SCFD2: variants seen among roughly 807,000 people sequenced by gnomAD.
SCFD2 encodes sec1 family domain containing 2.
SCFD2 carries 54 observed loss-of-function variants against 58.9 expected under a neutral mutation model. The ratio of observed to expected loss-of-function variants is 0.92; its 90% confidence interval spans 0.74 to 1.15. The LOEUF (loss-of-function observed/expected upper bound fraction) is 1.15. Ranked by LOEUF, SCFD2 falls within the 50% of genes most tolerant of loss-of-function variation. SCFD2 has a pLI of 0.00. For synonymous variants in SCFD2, 321 were observed against 335.9 expected, an observed-to-expected ratio of 0.96 and a Z score of 0.49; for missense variants, 805 against 836.6, an observed-to-expected ratio of 0.96 and a Z score of 0.47.
intron 5 of SCFD2, among the ~76,000 whole-genome samples, chr4:53,130,846 A>G (rs1725767146): frequency 1.3e-5 from 2 of 152,240 alleles, no homozygotes; most frequent in Non-Finnish European, 2.9e-5. Context: ...AAGAAAATGC[A>G]TAGAACACTA....
intron 4 of SCFD2, among the ~76,000 whole-genome samples, chr4:53,249,511 C>T (rs1577895301): frequency 1.3e-5 from 2 of 152,204 alleles, no homozygotes; most frequent in South Asian, 2.1e-4. Flanking sequence ...TTGTCAGATT[C>T]ACAAAGTTGA....
chr4:52,949,563 G>C (rs972745293), intron 5 of SCFD2: 2 of 152,184 alleles, frequency 1.3e-5, no homozygotes, highest in African/African-American at 4.8e-5. Flanking sequence ...TCTTGCCTCA[G>C]GGTTCCCACG....
At chr4:52,936,717 CT>C (rs1169126772) in intron 5 of SCFD2, among the ~76,000 whole-genome samples, 2 of 152,284 alleles carry the variant, frequency 1.3e-5, no homozygotes, top group African/African-American at 4.8e-5. Context: ...CTCCAGAGCA[CT>C]CTCCTCTCCA....
intron 5 of SCFD2, among the ~76,000 whole-genome samples, chr4:53,143,317 A>G (rs1427826216): frequency 6.6e-6 from 1 of 152,218 alleles, no homozygotes; most frequent in Non-Finnish European, 1.5e-5. Flanking sequence ...CTTAGGAATA[A>G]CTTTTAATTA....
At chr4:53,004,604 A>G (rs1000372301) in intron 5 of SCFD2, among the ~76,000 whole-genome samples, 1 of 152,222 alleles carries the variant, frequency 6.6e-6, no homozygotes, top group Non-Finnish European at 1.5e-5. Context: ...CTAAGTAGTA[A>G]GTGGTAGAGT....
intron 5 of SCFD2, among the ~76,000 whole-genome samples, chr4:53,000,542 C>T (rs1184447133): frequency 6.6e-6 from 1 of 152,124 alleles, no homozygotes; most frequent in Non-Finnish European, 1.5e-5. Context: ...AGAAATCCAG[C>T]CAGATTGTGT....
intron 5 of SCFD2, among the ~76,000 whole-genome samples, chr4:53,128,835 T>C (rs751740932): frequency 3.1e-4 from 47 of 152,348 alleles, no homozygotes; most frequent in Non-Finnish European, 6.6e-4. Context: ...ACAGAAGGGC[T>C]GTGCATTCCC....
chr4:53,115,836 T>A (rs1297426581), intron 5 of SCFD2, among the ~76,000 whole-genome samples: 1 of 152,196 alleles, frequency 6.6e-6, no homozygotes, highest in Admixed American at 6.6e-5. Flanking sequence ...ATGCGATGCC[T>A]GCTCCAGAAT....
chr4:52,916,969 C>T (rs1396554492), intron 6 of SCFD2, among the ~76,000 whole-genome samples: 1 of 152,144 alleles, frequency 6.6e-6, no homozygotes, highest in East Asian at 1.9e-4. Flanking sequence ...AAAATAATAG[C>T]TCACTGCAGC....
At chr4:53,170,888 A>T (rs1366699178) in intron 4 of SCFD2, among the ~76,000 whole-genome samples, 1 of 152,152 alleles carries the variant, frequency 6.6e-6, no homozygotes, top group East Asian at 1.9e-4. Flanking sequence ...GTAACCTGCA[A>T]CTTTACTGAA....
intron 6 of SCFD2, among the ~76,000 whole-genome samples, chr4:52,915,616 C>T (rs1236735991): frequency 6.6e-6 from 1 of 152,182 alleles, no homozygotes; most frequent in Non-Finnish European, 1.5e-5. Flanking sequence ...CCCACCCAGG[C>T]TTCAATCCAG....
rs190917366 is a variant in SCFD2 at position 53,328,084 on chromosome 4, G to A, written c.1008-14321C>T. ...CAGGAGGCAGAGGTTGCAGTGAGCCGAGATAGTGCCACTGCAACCCAGCCT... is the reference window on the plus strand; with the variant it reads ...CAGGAGGCAGAGGTTGCAGTGAGCCAAGATAGTGCCACTGCAACCCAGCCT... On this transcript the variant is annotated intron_variant, in intron 2 of 8. Coordinates refer to ENST00000401642, the MANE Select transcript of SCFD2 (RefSeq NM_152540.4). Among the ~76,000 whole-genome samples, 293 of 152,060 alleles carry A rather than the reference G, an allele frequency of 1.9e-3. 2 individuals carry two copies. The South Asian group carries it at 0.026, about 14-fold the overall frequency.
At chr4:52,900,997 C>T (rs549917439) in intron 7 of SCFD2, among the ~76,000 whole-genome samples, 3 of 152,288 alleles carry the variant, frequency 2.0e-5, no homozygotes, top group South Asian at 2.1e-4. Flanking sequence ...TGGAAGAGCA[C>T]AGTATTAGGG....
intron 5 of SCFD2, among the ~76,000 whole-genome samples, chr4:53,016,020 G>GA (rs1722204581): frequency 6.6e-6 from 1 of 152,212 alleles, no homozygotes; most frequent in Non-Finnish European, 1.5e-5. Context: ...AACGAAGGCA[G>GA]AAACTGCTTC....
chr4:53,170,152 T>C (rs1727137970), intron 4 of SCFD2, among the ~76,000 whole-genome samples: 1 of 152,210 alleles, frequency 6.6e-6, no homozygotes, highest in Non-Finnish European at 1.5e-5. Context: ...AGTCATTTTA[T>C]GGTTTCAGGT....
intron 5 of SCFD2, among the ~76,000 whole-genome samples, chr4:52,937,373 T>C (rs1720165872): frequency 6.6e-6 from 1 of 152,150 alleles, no homozygotes; most frequent in Non-Finnish European, 1.5e-5. Context: ...GACAAGAGCA[T>C]GCACATGGAT....
intron 4 of SCFD2, among the ~76,000 whole-genome samples, chr4:53,247,867 CAAAA>C (rs35585900): frequency 1.6e-3 from 87 of 54,526 alleles, no homozygotes; most frequent in African/African-American, 5.1e-3. Flanking sequence ...GACTCCGTCT[CAAAA>C]AAAAAAAAAA....
At chr4:53,025,737 C>T (rs1450370454) in intron 5 of SCFD2, among the ~76,000 whole-genome samples, 5 of 152,158 alleles carry the variant, frequency 3.3e-5, no homozygotes, top group Non-Finnish European at 7.3e-5. Flanking sequence ...TCCTGGAGGA[C>T]GAGGCCCCTG....
chr4:53,170,257 C>T (rs138245429), intron 4 of SCFD2, among the ~76,000 whole-genome samples: 1 of 152,276 alleles, frequency 6.6e-6, no homozygotes, highest in East Asian at 1.9e-4. Flanking sequence ...ATGAGATACA[C>T]AGTTTTCCCA....
Sources: gnomAD v4.1 joint callset for allele counts (sites outside exome capture counted in the v4.1 genomes callset) on GRCh38, gnomAD v4.1.1 for gene constraint, MANE v1.5 for transcripts, NCBI Gene and HGNC (gene_info 2026-07-23, HGNC 2026-07-21) for gene names.